Variants in PTPRS observed in about 807,000 individuals in gnomAD.
PTPRS encodes protein tyrosine phosphatase receptor type S.
Under a neutral mutation model 215.3 loss-of-function variants are expected in PTPRS, and 63 were observed. The observed-to-expected ratio is 0.29, with a 90% confidence interval of 0.24 to 0.36. PTPRS has a LOEUF of 0.36. Among genes scored for constraint, PTPRS ranks in the 10% least tolerant of loss-of-function variants. PTPRS has a pLI of 1.00. For missense variants in PTPRS, 2,258 were observed against 2,825.8 expected (o/e 0.80, Z 4.56); for synonymous variants, 1,404 against 1,191.4 (o/e 1.18, Z -3.68).
intron 4 of PTPRS, among the ~76,000 whole-genome samples, chr19:5,270,724 G>A (rs540376974): frequency 3.6e-4 from 55 of 152,110 alleles, no homozygotes; most frequent in Middle Eastern, 3.4e-3. Context: ...TGCAGCCTCC[G>A]CCTCCCGGGT....
chr19:5,224,448 C>G (rs1042931353), intron 17 of PTPRS, among the ~76,000 whole-genome samples: 92 of 152,290 alleles, frequency 6.0e-4, no homozygotes, highest in African/African-American at 2.1e-3. Context: ...CTGACCAATA[C>G]CCATGGGACA....
intron 11 of PTPRS, among the ~76,000 whole-genome samples, chr19:5,242,697 ATGTT>A (rs922172653): frequency 2.0e-5 from 3 of 150,268 alleles, no homozygotes; most frequent in African/African-American, 7.4e-5. Context: ...TTTTATTTTA[ATGTT>A]TGTTTTTGTT....
intron 1 of PTPRS, among the ~76,000 whole-genome samples, chr19:5,304,618 C>T (rs1288387825): frequency 6.6e-6 from 1 of 152,176 alleles, no homozygotes; most frequent in East Asian, 1.9e-4. Flanking sequence ...CACTGCTCTC[C>T]TGTCTGGGTG....
chr19:5,291,409 C>T (rs1417087752), intron 1 of PTPRS, among the ~76,000 whole-genome samples: 2 of 152,118 alleles, frequency 1.3e-5, no homozygotes, highest in African/African-American at 2.4e-5. Flanking sequence ...AGTCCACATC[C>T]TCTGGGCGCC....
At chr19:5,304,523 C>T (rs530831485) in intron 1 of PTPRS, among the ~76,000 whole-genome samples, 65 of 152,204 alleles carry the variant, frequency 4.3e-4, no homozygotes, top group African/African-American at 1.4e-3. Flanking sequence ...GTGGTGCACG[C>T]CTGTAGTCCC....
intron 16 of PTPRS, 139 bp downstream of exon 16, chr19:5,229,177 G>C (rs2042782324): frequency 3.0e-6 from 3 of 995,162 alleles, no homozygotes; most frequent in Non-Finnish European, 4.0e-6. Context: ...AGAGGTAATG[G>C]GAGAGCGAGG....
chr19:5,303,811 T>C (rs906195268), intron 1 of PTPRS, among the ~76,000 whole-genome samples: 6 of 150,970 alleles, frequency 4.0e-5, no homozygotes, highest in Admixed American at 3.3e-4. Flanking sequence ...ATTAGCTGGG[T>C]GTGGTGGTAT....
chr19:5,240,661 A>C (rs2055722008), intron 11 of PTPRS, among the ~76,000 whole-genome samples: 1 of 151,560 alleles, frequency 6.6e-6, no homozygotes, highest in Non-Finnish European at 1.5e-5. Context: ...AACATGGTGA[A>C]ACCTCGTCTC....
chr19:5,277,655 CA>C (rs59687529), intron 2 of PTPRS: 136,990 of 371,854 alleles, frequency 0.37, 9,378 homozygotes, highest in Non-Finnish European at 0.4. Context: ...GACTCCATCT[CA>C]AAAAAAAAAA....
At chr19:5,222,557 G>T in intron 18 of PTPRS, 132 bp downstream of exon 18, 1 of 1,105,990 alleles carries the variant, frequency 9.0e-7, no homozygotes, top group Non-Finnish European at 1.2e-6. Context: ...CTCGGGGTCC[G>T]GACTTGCCTT....
chr19:5,338,561 T>TG lies in PTPRS; in HGVS notation c.-95+2102dup, dbSNP rs1353628182. Among the ~76,000 whole-genome samples the TG allele has an allele frequency of 1.3e-5, 2 of 151,810 alleles. No individual in the cohort carries two copies. The highest frequency in any genetic ancestry group is 4.8e-5 in the African/African-American group (2 of 41,316). ...GGTGGGGACTCAGTCAGGCCCAAGC[T>TG]GGGGGGCTGTGGGATTTGAGGGCGG... On this transcript the variant is annotated intron_variant, in intron 1 of 37. Transcript: ENST00000262963. The surrounding 1 kb of genome is among the most constrained non-coding windows in gnomAD (Gnocchi z 4.2).
intron 30 of PTPRS, among the ~76,000 whole-genome samples, 181 bp from the exon 31 acceptor site, chr19:5,212,672 C>T (rs1196689184): frequency 3.3e-5 from 5 of 152,082 alleles, no homozygotes; most frequent in South Asian, 2.1e-4. Flanking sequence ...GGAGAAACCT[C>T]GTCTCAACTA....
At chr19:5,229,909 C>T (rs1056859962) in intron 14 of PTPRS, among the ~76,000 whole-genome samples, 2 of 151,894 alleles carry the variant, frequency 1.3e-5, no homozygotes, top group East Asian at 1.9e-4. Flanking sequence ...CAGGCTGCCC[C>T]CCCCCGAGTC....
At chr19:5,303,878 G>A (rs957117266) in intron 1 of PTPRS, among the ~76,000 whole-genome samples, 23 of 145,896 alleles carry the variant, frequency 1.6e-4, no homozygotes, top group Admixed American at 1.4e-4. Context: ...TTGAACCCGG[G>A]ATACGGAGGT....
rs901286391 is a variant in PTPRS, at chr19:5,207,582, T to C, written c.5778+340A>G. Reference sequence around the variant, plus strand: ...GGAACATTCCCCTTGAAGCTAGGAGTCTGGGCCTCAGTTTCCCCATCTGTA... The same window carrying C: ...GGAACATTCCCCTTGAAGCTAGGAGCCTGGGCCTCAGTTTCCCCATCTGTA... On this transcript the variant is annotated intron_variant, in intron 37 of 37. Coordinates refer to ENST00000262963, the MANE Select transcript of PTPRS (RefSeq NM_002850.4). Among the ~76,000 whole-genome samples, 76 of 152,120 alleles carry C rather than the reference T, an allele frequency of 5.0e-4. 1 individual carries two copies. Among genetic ancestry groups the C allele is most frequent in the Non-Finnish European group, 1.3e-4 (9 of 67,990 alleles).
intron 14 of PTPRS, among the ~76,000 whole-genome samples, chr19:5,229,903 C>T (rs1268127898): frequency 7.7e-6 from 1 of 130,476 alleles, no homozygotes; most frequent in East Asian, 2.0e-4. Context: ...TGGATCCAGG[C>T]TGCCCCCCCC....
chr19:5,297,971 T>A (rs1486194373), intron 1 of PTPRS, among the ~76,000 whole-genome samples: 1 of 152,020 alleles, frequency 6.6e-6, no homozygotes, highest in East Asian at 1.9e-4. Context: ...TTTTTGGGTA[T>A]TTTTAGTAGA....
chr19:5,282,019 C>T (rs1301175607), intron 2 of PTPRS, among the ~76,000 whole-genome samples: 4 of 152,092 alleles, frequency 2.6e-5, no homozygotes, highest in Admixed American at 2.0e-4. Context: ...CCCTTATGCC[C>T]CCACCGCAGC....
At chr19:5,331,127 TTAAAAA>T (rs71172713) in intron 1 of PTPRS, among the ~76,000 whole-genome samples, 18,650 of 80,764 alleles carry the variant, frequency 0.23, 1,388 homozygotes, top group African/African-American at 0.3. Context: ...GCTTCTTTTT[TTAAAAA>T]AAAAAAAAAA....
Sources: allele counts gnomAD v4.1 joint callset (sites outside exome capture counted in the v4.1 genomes callset), GRCh38; gene constraint gnomAD v4.1.1; non-coding constraint Gnocchi (gnomAD v3.1); transcripts MANE v1.5; gene names NCBI Gene and HGNC (gene_info 2026-07-23, HGNC 2026-07-21).